OTUD7A: variants seen among roughly 807,000 people sequenced by gnomAD.
OTUD7A encodes the protein OTU deubiquitinase 7A.
A neutral mutation model predicts 65.7 loss-of-function variants in OTUD7A; 12 were observed. The observed-to-expected ratio is 0.18, with a 90% CI of 0.12 to 0.30. The LOEUF is 0.30. Ranked by LOEUF, OTUD7A falls within the 10% of genes least tolerant of loss-of-function variation. The probability of loss-of-function intolerance (pLI) is 1.00; values close to 1 mark genes in which losing one functional copy is unlikely to be tolerated. For synonymous variants in OTUD7A, 641 were observed against 586.3 expected (o/e 1.09, Z -1.35); for missense variants, 1,148 against 1,304.8 (o/e 0.88, Z 1.85).
At chr15:31,784,961 GC>G (rs1895633288) in intron 1 of OTUD7A, among the ~76,000 whole-genome samples, 1 of 152,176 alleles carries the variant, frequency 6.6e-6, no homozygotes, top group Non-Finnish European at 1.5e-5. Context: ...GAGCGGCACT[GC>G]CCACCTGTGC....
chr15:31,716,852 G>A (rs1056900088), intron 1 of OTUD7A, among the ~76,000 whole-genome samples: 3 of 152,214 alleles, frequency 2.0e-5, no homozygotes, highest in Non-Finnish European at 2.9e-5. Flanking sequence ...CCGTGGGGAT[G>A]AGCCACAAAG....
At chr15:31,744,341 C>T (rs1894420250) in intron 1 of OTUD7A, among the ~76,000 whole-genome samples, 1 of 152,010 alleles carries the variant, frequency 6.6e-6, no homozygotes, top group African/African-American at 2.4e-5. Flanking sequence ...ATGAACATTG[C>T]CATAATCACT....
intron 1 of OTUD7A, among the ~76,000 whole-genome samples, chr15:31,694,692 C>G (rs1255129577): frequency 6.6e-6 from 1 of 152,142 alleles, no homozygotes; most frequent in Non-Finnish European, 1.5e-5. Context: ...TTTCGGATTC[C>G]ACACATAAGT....
chr15:31,745,163 T>G (rs2141377149), intron 1 of OTUD7A, among the ~76,000 whole-genome samples: 1 of 152,120 alleles, frequency 6.6e-6, no homozygotes, highest in Middle Eastern at 3.4e-3. Flanking sequence ...TTTCTAAAAA[T>G]CCCAGTAGGC....
intron 3 of OTUD7A, among the ~76,000 whole-genome samples, chr15:31,606,211 G>C (rs548342468): frequency 1.9e-4 from 29 of 152,302 alleles, no homozygotes; most frequent in Non-Finnish European, 3.4e-4. Context: ...TAGATATGCA[G>C]GGTTGTTGTG....
intron 3 of OTUD7A, among the ~76,000 whole-genome samples, chr15:31,595,155 G>A (rs148600605): frequency 2.8e-4 from 42 of 152,282 alleles, no homozygotes; most frequent in African/African-American, 1.0e-3. Context: ...GGCCTGTGTG[G>A]CTGTAGAGTC....
intron 3 of OTUD7A, among the ~76,000 whole-genome samples, chr15:31,622,677 C>T (rs961507877): frequency 6.6e-6 from 1 of 152,106 alleles, no homozygotes; most frequent in African/African-American, 2.4e-5. Context: ...AATCTTTTTT[C>T]AAGGTTTTTA....
At chr15:31,825,579 CT>C (rs1317093539) in intron 1 of OTUD7A, among the ~76,000 whole-genome samples, 3 of 152,162 alleles carry the variant, frequency 2.0e-5, no homozygotes, top group Admixed American at 6.5e-5. Context: ...CATTCCACCC[CT>C]GGGCCCTGCC....
At chr15:31,866,764 G>A (rs530920582) in intron 1 of OTUD7A, among the ~76,000 whole-genome samples, 26 of 152,290 alleles carry the variant, frequency 1.7e-4, no homozygotes, top group South Asian at 1.0e-3. Flanking sequence ...ATGTAGTGGC[G>A]CTTCCCCTTT....
chr15:31,487,273 A>G lies in OTUD7A; in HGVS notation c.1292T>C (p.Ile431Thr), dbSNP rs776178390. The change falls in exon 12 of 13, where the codon ATC becomes ACC. Residue 431 changes from isoleucine to threonine, a missense_variant. Physicochemically the swap from Ile to Thr is moderately conservative, Grantham distance 89 (BLOSUM62 -1). Around this residue, in one of 6 missense-constraint regions of OTUD7A, gnomAD observed 842 missense variants for 769.5 expected, o/e 1.09. Coordinates refer to ENST00000307050, the MANE Select transcript of OTUD7A (RefSeq NM_001382637.1). This position sits in a 1 kb window ranked among gnomAD's most constrained non-coding sequence, Gnocchi z 6.0. ...GTTCAGCTTGGCTTCTAGCGACAGGATAAGGCTGGCAAGAGAAGAATATCC... is the reference window on the plus strand; with the variant it reads ...GTTCAGCTTGGCTTCTAGCGACAGGGTAAGGCTGGCAAGAGAAGAATATCC... ...DNDNARLAHL[I>T]LSLEAKLNLL... 2 of 1,614,006 alleles carry G rather than the reference A, an allele frequency of 1.2e-6. No individual in the cohort carries two copies. Among genetic ancestry groups the G allele is most frequent in the South Asian group, 1.1e-5 (1 of 91,070 alleles).
intron 3 of OTUD7A, among the ~76,000 whole-genome samples, chr15:31,603,788 T>A (rs1890154284): frequency 6.6e-6 from 1 of 152,116 alleles, no homozygotes; most frequent in Non-Finnish European, 1.5e-5. Flanking sequence ...GCAAATTATA[T>A]GAACAGACAC....
At position 31,488,038 on chromosome 15, in the gene OTUD7A, T is replaced by C. The variant is rs369330964; in HGVS notation, c.1172-472A>G. Among the ~76,000 whole-genome samples, 63 of 152,290 alleles carry C rather than the reference T, an allele frequency of 4.1e-4. No homozygotes were observed. In the East Asian group the frequency reaches 0.011, roughly 26 times the overall value. ...TGTAATTTTGTGCCACAAGTCTGTATCAGTGCCTGGGACCCATGGACCCAC... is the reference window on the plus strand; with the variant it reads ...TGTAATTTTGTGCCACAAGTCTGTACCAGTGCCTGGGACCCATGGACCCAC... On this transcript the variant is annotated intron_variant, in intron 10 of 12. Coordinates refer to ENST00000307050, the MANE Select transcript of OTUD7A (RefSeq NM_001382637.1).
chr15:31,803,710 G>T (rs996339652), intron 1 of OTUD7A, among the ~76,000 whole-genome samples: 1 of 152,200 alleles, frequency 6.6e-6, no homozygotes, highest in Non-Finnish European at 1.5e-5. Context: ...AGTTTCCATC[G>T]CTGCAGTGAG....
At chr15:31,607,354 A>G (rs139284213) in intron 3 of OTUD7A, among the ~76,000 whole-genome samples, 103 of 152,322 alleles carry the variant, frequency 6.8e-4, no homozygotes, top group African/African-American at 2.4e-3. Flanking sequence ...CAAGAGTGAG[A>G]GTAAACTAAA....
intron 5 of OTUD7A, among the ~76,000 whole-genome samples, chr15:31,538,581 A>G (rs1284184892): frequency 5.9e-5 from 9 of 152,190 alleles, no homozygotes; most frequent in Admixed American, 5.9e-4. Flanking sequence ...TCAGATCACA[A>G]AAAAGGCCAG....
intron 3 of OTUD7A, among the ~76,000 whole-genome samples, chr15:31,615,766 G>A (rs548974079): frequency 2.8e-4 from 42 of 152,366 alleles, no homozygotes; most frequent in African/African-American, 7.9e-4. Flanking sequence ...GAAGAGGACA[G>A]GGAATTGTAG....
intron 3 of OTUD7A, among the ~76,000 whole-genome samples, chr15:31,632,587 G>A (rs1335158407): frequency 2.0e-5 from 3 of 152,240 alleles, no homozygotes; most frequent in Non-Finnish European, 4.4e-5. Context: ...CACTTGAGGA[G>A]GCAGTCTGCC....
chr15:31,564,769 A>C (rs756594412), intron 4 of OTUD7A, among the ~76,000 whole-genome samples: 4 of 152,170 alleles, frequency 2.6e-5, no homozygotes, highest in African/African-American at 4.8e-5. Context: ...AATGAAACCT[A>C]ATAATAAATT....
At chr15:31,796,888 C>T (rs190362701) in intron 1 of OTUD7A, among the ~76,000 whole-genome samples, 13 of 152,308 alleles carry the variant, frequency 8.5e-5, no homozygotes, top group Admixed American at 3.9e-4. Flanking sequence ...GCATGCACCA[C>T]CATACCCGGC....
Sources: gnomAD v4.1 joint callset for allele counts (sites outside exome capture counted in the v4.1 genomes callset) on GRCh38, gnomAD v4.1.1 for gene constraint, gnomAD v4.1.1 regional missense constraint, Gnocchi (gnomAD v3.1) non-coding constraint, MANE v1.5 for transcripts, NCBI Gene and HGNC (gene_info 2026-07-23, HGNC 2026-07-21) for gene names.